The following KCNMA1 variants were observed in gnomAD, a reference collection of about 807,000 sequenced individuals.
The protein encoded by KCNMA1 is Calcium-activated potassium channel subunit alpha-1.
Under a neutral mutation model 140.0 loss-of-function variants are expected in KCNMA1, and 29 were observed. That is an observed-to-expected ratio of 0.21 (90% CI 0.15 to 0.28). The LOEUF is 0.28. Among genes scored for constraint, KCNMA1 ranks in the 10% least tolerant of loss-of-function variants. The pLI is 1.00. For synonymous variants in KCNMA1, 612 were observed against 611.9 expected (o/e 1.00, Z 0.00); for missense variants, 880 against 1,602.2 (o/e 0.55, Z 7.70).
At chr10:77,306,713 A>C (rs1239641636) in intron 2 of KCNMA1, among the ~76,000 whole-genome samples, 1 of 152,220 alleles carries the variant, frequency 6.6e-6, no homozygotes, top group Non-Finnish European at 1.5e-5. Flanking sequence ...GAATGTCAGC[A>C]GATTTGTAGG....
chr10:77,525,690 T>C (rs557781823), intron 1 of KCNMA1, among the ~76,000 whole-genome samples: 18 of 152,360 alleles, frequency 1.2e-4, no homozygotes, highest in African/African-American at 4.3e-4. Flanking sequence ...CTAATTTCCC[T>C]TCCAAGTTCT....
At chr10:77,274,912 G>C (rs1379364306) in intron 2 of KCNMA1, among the ~76,000 whole-genome samples, 2 of 152,220 alleles carry the variant, frequency 1.3e-5, no homozygotes, top group Non-Finnish European at 2.9e-5. Flanking sequence ...GAAGGGAAGT[G>C]ATGAAGACCG....
chr10:77,421,289 T>TA (rs1435790003), intron 1 of KCNMA1, among the ~76,000 whole-genome samples: 1 of 152,218 alleles, frequency 6.6e-6, no homozygotes. Context: ...CAGGAAGCCT[T>TA]TCCTAACTCA....
chr10:77,119,417 G>T (rs1382565953), intron 6 of KCNMA1, among the ~76,000 whole-genome samples: 1 of 152,176 alleles, frequency 6.6e-6, no homozygotes, highest in Non-Finnish European at 1.5e-5. Flanking sequence ...ATGTTAGAGA[G>T]TGTCACAAAA....
At chr10:77,572,234 T>C (rs1253981995) in intron 1 of KCNMA1, among the ~76,000 whole-genome samples, 1 of 151,926 alleles carries the variant, frequency 6.6e-6, no homozygotes, top group Non-Finnish European at 1.5e-5. Context: ...TGAAAATGAG[T>C]GTAGGATTAG....
At position 77,001,577 on chromosome 10, in the gene KCNMA1, T is replaced by G. The variant is rs1172127125; in HGVS notation, c.2096A>C (p.Lys699Thr). 1 of 1,551,410 alleles carries G rather than the reference T, an allele frequency of 6.4e-7. No individual in the cohort carries two copies. Among genetic ancestry groups the G allele is most frequent in the South Asian group, 1.2e-5 (1 of 84,012 alleles). ...TCTCATTCTCTTGTAGATGGACATC[T>G]TGGCTATAACCGTGTGGTTGGATGG... Reference protein sequence around the residue: ...RIKKCGCKRPKMSIYKRMRRA... With the variant: ...RIKKCGCKRPTMSIYKRMRRA... The change falls in exon 19 of 28, where the codon AAG becomes ACG. Residue 699 changes from lysine (K) to threonine (T), a missense_variant. Coordinates refer to ENST00000286628, the MANE Select transcript of KCNMA1 (RefSeq NM_001161352.2).
At chr10:77,468,157 A>G (rs1011282606) in intron 1 of KCNMA1, among the ~76,000 whole-genome samples, 12 of 152,104 alleles carry the variant, frequency 7.9e-5, no homozygotes, top group African/African-American at 2.7e-4. Flanking sequence ...ACAGATGTGC[A>G]CAACCATGCC....
Position 76,994,472 on chromosome 10 carries a change from A to T in KCNMA1, c.2266+6935T>A, listed in dbSNP as rs1469895065. 2.0e-5 allele frequency among the ~76,000 whole-genome samples: 3 copies of T among 152,236 alleles called. No individual in the cohort carries two copies. The East Asian group carries it at 5.8e-4, about 29-fold the overall frequency. On this transcript the variant is annotated intron_variant, in intron 19 of 27. Coordinates refer to ENST00000286628, the MANE Select transcript of KCNMA1 (RefSeq NM_001161352.2). Reference sequence around the variant, plus strand: ...TAACATGAATCCAAGTTAACCAACTAGCCATTTCTTAGTAATGCTGTGTCA... The same window carrying T: ...TAACATGAATCCAAGTTAACCAACTTGCCATTTCTTAGTAATGCTGTGTCA...
chr10:77,627,118 T>G (rs1455934482), intron 1 of KCNMA1, among the ~76,000 whole-genome samples: 2 of 151,884 alleles, frequency 1.3e-5, no homozygotes, highest in African/African-American at 4.8e-5. Context: ...AATGAGCAGG[T>G]GGGAAAGAAA....
At chr10:77,069,348 C>CA (rs1197099640) in intron 14 of KCNMA1, among the ~76,000 whole-genome samples, 1 of 152,152 alleles carries the variant, frequency 6.6e-6, no homozygotes, top group Non-Finnish European at 1.5e-5. Flanking sequence ...TCCTATTGCA[C>CA]AAAATGCTTA....
chr10:77,060,269 G>C (rs987497718), intron 14 of KCNMA1, among the ~76,000 whole-genome samples: 6 of 152,148 alleles, frequency 3.9e-5, no homozygotes, highest in African/African-American at 9.7e-5. Context: ...TTTTGAAAAA[G>C]AATACATTTG....
Position 76,886,337 on chromosome 10 carries a change from T to C in KCNMA1, c.*929A>G. The C allele has an allele frequency of 2.0e-6, 2 of 985,328 alleles. No homozygotes were observed. The highest frequency in any genetic ancestry group is 2.4e-6 in the Non-Finnish European group (2 of 829,848). The allele number at this position is 985,328 out of a possible 1,614,324, so 61.0% of individuals were successfully genotyped here. ...TGTACATAAGGTAAGTAATTCACCT[T>C]TTAAAAGATGTAAAAGTCCCAGGAA... On this transcript the variant is annotated 3_prime_UTR_variant, in exon 28 of 28. Coordinates refer to ENST00000286628, the MANE Select transcript of KCNMA1 (RefSeq NM_001161352.2).
intron 2 of KCNMA1, among the ~76,000 whole-genome samples, chr10:77,311,013 C>T (rs2154343635): frequency 6.6e-6 from 1 of 152,332 alleles, no homozygotes; most frequent in South Asian, 2.1e-4. Flanking sequence ...GTCTGACAAA[C>T]ACCATTTTTG....
intron 1 of KCNMA1, among the ~76,000 whole-genome samples, chr10:77,450,921 A>G (rs2097641243): frequency 6.6e-6 from 1 of 152,212 alleles, no homozygotes; most frequent in Non-Finnish European, 1.5e-5. Context: ...ATTATAGTGA[A>G]TAGGTCTCAT....
intron 5 of KCNMA1, among the ~76,000 whole-genome samples, chr10:77,156,743 C>T (rs968322960): frequency 2.0e-5 from 3 of 152,130 alleles, no homozygotes; most frequent in Non-Finnish European, 4.4e-5. Flanking sequence ...GAAGACTGGC[C>T]CTGGGAGATG....
intron 1 of KCNMA1, among the ~76,000 whole-genome samples, chr10:77,446,341 C>T (rs1371488651): frequency 6.6e-6 from 1 of 152,170 alleles, no homozygotes; most frequent in Non-Finnish European, 1.5e-5. Context: ...TATTAGATGC[C>T]CAGCAAATAT....
rs376389359 is a variant in KCNMA1 at position 77,041,289 on chromosome 10, C to T, written c.1750-1652G>A. ...ACGCCATTCTCCTGCCTCAGCCTCCCGAGTAGCTGGGACTACAGGCGCCCG... is the reference window on the plus strand; with the variant it reads ...ACGCCATTCTCCTGCCTCAGCCTCCTGAGTAGCTGGGACTACAGGCGCCCG... On this transcript the variant is annotated intron_variant, in intron 14 of 27. Coordinates refer to ENST00000286628, the MANE Select transcript of KCNMA1 (RefSeq NM_001161352.2). 2.0e-4 allele frequency among the ~76,000 whole-genome samples: 2 copies of T among 10,052 alleles called. 1 individual carries two copies. The highest frequency in any genetic ancestry group is 3.4e-4 in the Non-Finnish European group (2 of 5,856). The allele number at this position is 10,052 out of a possible 152,430, so 6.6% of individuals were successfully genotyped here.
intron 3 of KCNMA1, among the ~76,000 whole-genome samples, chr10:77,219,452 G>A (rs539467970): frequency 6.6e-6 from 1 of 152,202 alleles, no homozygotes; most frequent in East Asian, 1.9e-4. Context: ...TGGGGTCTTG[G>A]GTTCTAAGAG....
intron 1 of KCNMA1, among the ~76,000 whole-genome samples, chr10:77,541,087 T>C (rs1215321155): frequency 6.7e-6 from 1 of 149,572 alleles, no homozygotes; most frequent in East Asian, 1.9e-4. Flanking sequence ...AGAAGAAATA[T>C]GGAACAATTC....
Sources: allele counts gnomAD v4.1 joint callset (sites outside exome capture counted in the v4.1 genomes callset), GRCh38; gene constraint gnomAD v4.1.1; transcripts MANE v1.5; gene names NCBI Gene and HGNC (gene_info 2026-07-23, HGNC 2026-07-21).